CTBS: variants seen among roughly 807,000 people sequenced by gnomAD.
The protein encoded by CTBS is di-N-acetylchitobiase.
In CTBS, 35 loss-of-function variants were observed where a neutral mutation model predicts 44.3. The observed-to-expected ratio is 0.79, with a 90% confidence interval of 0.60 to 1.05. The LOEUF (loss-of-function observed/expected upper bound fraction) is 1.05, where lower values mean the gene tolerates loss of function less well. Ranked by LOEUF, CTBS falls within the 50% of genes least tolerant of loss-of-function variation. The pLI is 0.00. For missense variants in CTBS, 458 were observed against 475.3 expected (o/e 0.96, Z 0.34); for synonymous variants, 143 against 168.0 (o/e 0.85, Z 1.15).
Position 84,565,999 on chromosome 1 carries a change from A to G in CTBS, c.539T>C (p.Val180Ala). 1 of 1,545,118 alleles carries G rather than the reference A, an allele frequency of 6.5e-7. No individual in the cohort carries two copies. Among genetic ancestry groups the G allele is most frequent in the South Asian group, 1.3e-5 (1 of 77,278 alleles). ...EIEGSQVTFD[V>A]AWSPKNIDRR... is the part of the protein sequence containing the mutation. ...GTCTATGTTCTTTGGAGACCAAGCTACATCAAAGGTTACCTGTGGAAAAAA... is the reference window on the plus strand; with the variant it reads ...GTCTATGTTCTTTGGAGACCAAGCTGCATCAAAGGTTACCTGTGGAAAAAA... Residue 180 changes from valine to alanine, a missense_variant, in exon 4 of 7, where the codon GTA (valine) becomes GCA (alanine). Coordinates refer to ENST00000370630, the MANE Select transcript of CTBS (RefSeq NM_004388.3).
At position 84,553,206 on chromosome 1, in the gene CTBS, C is replaced by A; in HGVS notation, c.*1793G>T. 1.3e-6 allele frequency: 1 copy of A among 771,296 alleles called. No individual in the cohort carries two copies. The highest frequency in any genetic ancestry group is 2.0e-6 in the Non-Finnish European group (1 of 500,252). The allele number at this position is 771,296 out of a possible 1,614,324, so 47.8% of individuals were successfully genotyped here. On this transcript the variant is annotated 3_prime_UTR_variant, in exon 7 of 7. Transcript: ENST00000370630. The stretch of plus-strand genomic sequence containing the variant: ...TTTGTTTAACCATTATTCTCCTTGG[C>A]AATGTTTTATAAAAAGCACAAGGTT...
chr1:84,570,032 T>C lies in CTBS; in HGVS notation c.424A>G (p.Ile142Val). ...TQYMDGINID[I>V]EQEVNCLSPE... The stretch of plus-strand genomic sequence containing the variant: ...GATAAACAATTAACTTCTTGCTCTA[T>C]ATCTATATTAATTCCATCCATATAT... Residue 142 changes from isoleucine (I) to valine (V), a missense_variant, in exon 3 of 7, where the codon ATA (isoleucine) becomes GTA (valine). Transcript: ENST00000370630. The C allele has an allele frequency of 6.2e-7, 1 of 1,613,614 alleles. No homozygotes were observed. Among genetic ancestry groups the C allele is most frequent in the South Asian group, 1.1e-5 (1 of 91,064 alleles).
intron 3 of CTBS, among the ~76,000 whole-genome samples, chr1:84,568,644 C>T (rs993685461): frequency 1.4e-4 from 22 of 152,114 alleles, no homozygotes; most frequent in Admixed American, 3.3e-4. Context: ...TCTGTGTCCC[C>T]GCCCAAATCT....
rs116659071 is a variant in CTBS, at chr1:84,559,822, T to G, written c.957+3435A>C. ...TGTGTTGGCCAGGTGCAGTGGCCCATGCGTGTAATCCCAGGCCTTTGGGAG... is the reference window on the plus strand; with the variant it reads ...TGTGTTGGCCAGGTGCAGTGGCCCAGGCGTGTAATCCCAGGCCTTTGGGAG... On this transcript the variant is annotated intron_variant, in intron 6 of 6. Transcript: ENST00000370630. 4.3e-3 allele frequency among the ~76,000 whole-genome samples: 653 copies of G among 152,118 alleles called. 1 individual carries two copies. Among genetic ancestry groups the G allele is most frequent in the Admixed American group, 7.2e-3 (110 of 15,276 alleles).
chr1:84,560,678 G>A (rs945168350), intron 6 of CTBS, among the ~76,000 whole-genome samples: 1 of 152,180 alleles, frequency 6.6e-6, no homozygotes, highest in Non-Finnish European at 1.5e-5. Context: ...CAAAGTACAG[G>A]CTGATTCTCT....
rs1426594157 is a variant in CTBS at position 84,569,976 on chromosome 1, G to A, written c.480C>T (p.Val160=). ...GATGGAAAGAGTCTGTAGTTTCTTT[G>A]ACTAAAGCAGTTAATGCATCATATT... ...SPEYDALTAL[V]KETTDSFHRE... Residue 160 remains valine (V), a synonymous_variant, in exon 3 of 7, where the codon GTC becomes GTT. Coordinates refer to ENST00000370630, the MANE Select transcript of CTBS (RefSeq NM_004388.3). The A allele has an allele frequency of 6.2e-7, 1 of 1,612,722 alleles. No homozygotes were observed. Among genetic ancestry groups the A allele is most frequent in the Admixed American group, 1.7e-5 (1 of 59,834 alleles).
chr1:84,565,008 C>T (rs1684664987), intron 4 of CTBS, among the ~76,000 whole-genome samples: 1 of 151,906 alleles, frequency 6.6e-6, no homozygotes, highest in Non-Finnish European at 1.5e-5. Flanking sequence ...CACTGCACTC[C>T]AGCCTGGGCA....
chr1:84,550,683 A>T lies in CTBS; in HGVS notation c.*4316T>A. ...AACAGTAAAGAGCATAGGTGAAAAA[A>T]AAAATGCAGGAAGAAAAACTAAACC... On this transcript the variant is annotated 3_prime_UTR_variant, in exon 7 of 7. Coordinates refer to ENST00000370630, the MANE Select transcript of CTBS (RefSeq NM_004388.3). The T allele has an allele frequency of 8.3e-7, 1 of 1,205,270 alleles. No homozygotes were observed. Among genetic ancestry groups the T allele is most frequent in the Non-Finnish European group, 1.0e-6 (1 of 961,948 alleles). 74.7% of individuals were successfully genotyped at this position (1,205,270 alleles called of 1,614,324 possible).
intron 4 of CTBS, 148 bp from the exon 5 acceptor site, chr1:84,563,980 C>A: frequency 1.2e-6 from 1 of 846,676 alleles, no homozygotes; most frequent in Non-Finnish European, 1.6e-6. Context: ...TAAAACATCC[C>A]TTAAGAACCA....
In CTBS at chr1:84,570,580, AC is replaced by A; in HGVS notation, c.316+1del. 1 of 1,605,266 alleles carries A rather than the reference AC, an allele frequency of 6.2e-7. No individual in the cohort carries two copies. On this transcript the variant is annotated splice_donor_variant, in intron 2 of 6. Coordinates refer to ENST00000370630, the MANE Select transcript of CTBS (RefSeq NM_004388.3). LOFTEE classifies it high-confidence loss of function. ...GCACACATAGATCTGGAAACAACAT[AC>A]CTTTAAGTACTACTCTGGCTCCTTT...
Position 84,552,220 on chromosome 1 carries a change from C to G in CTBS, c.*2779G>C, listed in dbSNP as rs972592685. ...AAAACCCAGCCTGAGTCTCTTGCAA[C>G]CATATTTATTCAAGATAGTATAGCA... On this transcript the variant is annotated 3_prime_UTR_variant, in exon 7 of 7. Transcript: ENST00000370630. 3 of 152,106 alleles carry G rather than the reference C, an allele frequency of 2.0e-5. No individual in the cohort carries two copies. The highest frequency in any genetic ancestry group is 7.2e-5 in the African/African-American group (3 of 41,420). 9.4% of individuals were successfully genotyped at this position (152,106 alleles called of 1,614,324 possible). A position where few individuals can be genotyped will look rare whatever the true frequency, so the allele number is the denominator to read the frequency against.
chr1:84,560,097 AAAAGAAAGAAAG>A (rs59549626), intron 6 of CTBS, among the ~76,000 whole-genome samples: 1,858 of 114,642 alleles, frequency 0.016, 62 homozygotes, highest in East Asian at 0.13. Flanking sequence ...AAAAAAAAAA[AAAAGAAAGAAAG>A]AAAGAAAGAA....
chr1:84,559,614 T>G (rs1684549555), intron 6 of CTBS, among the ~76,000 whole-genome samples: 1 of 151,902 alleles, frequency 6.6e-6, no homozygotes, highest in Non-Finnish European at 1.5e-5. Flanking sequence ...GGAGCGATAC[T>G]CCATCTCAGA....
Position 84,550,581 on chromosome 1 carries a change from A to C in CTBS, c.*4418T>G. On this transcript the variant is annotated 3_prime_UTR_variant, in exon 7 of 7. Coordinates refer to ENST00000370630, the MANE Select transcript of CTBS (RefSeq NM_004388.3). ...TTATTATAACATTTATCTTGAAATA[A>C]AATATTTTGGTGTTTTAACTTTGGG... 1.4e-6 allele frequency: 2 copies of C among 1,446,218 alleles called. No individual in the cohort carries two copies. Among genetic ancestry groups the C allele is most frequent in the Non-Finnish European group, 1.8e-6 (2 of 1,094,178 alleles). The allele number at this position is 1,446,218 out of a possible 1,614,324, so 89.6% of individuals were successfully genotyped here. A position where few individuals can be genotyped will look rare whatever the true frequency, so the allele number is the denominator to read the frequency against.
intron 6 of CTBS, among the ~76,000 whole-genome samples, chr1:84,559,911 C>T (rs552284281): frequency 6.6e-6 from 1 of 151,570 alleles, no homozygotes; most frequent in East Asian, 1.9e-4. Context: ...ATAGTGAAAC[C>T]CCATCTCTAC....
intron 1 of CTBS, among the ~76,000 whole-genome samples, chr1:84,571,159 C>T (rs1443113710): frequency 6.6e-6 from 1 of 152,082 alleles, no homozygotes; most frequent in Admixed American, 6.6e-5. Flanking sequence ...GGAAGGTATG[C>T]ATTTTAGAAA....
intron 1 of CTBS, 162 bp downstream of exon 1, chr1:84,574,077 T>C: frequency 6.9e-7 from 1 of 1,450,720 alleles, no homozygotes; most frequent in East Asian, 2.6e-5. Flanking sequence ...GAGCCCGAGC[T>C]TCCTCATCTA....
chr1:84,563,826 T>C lies in CTBS; in HGVS notation c.704A>G (p.Asn235Ser). The C allele has an allele frequency of 6.2e-7, 1 of 1,603,570 alleles. No individual in the cohort carries two copies. The highest frequency in any genetic ancestry group is 1.1e-5 in the South Asian group (1 of 89,318). The change falls in exon 5 of 7, where the codon AAT becomes AGT. Residue 235 changes from asparagine (N) to serine (S), a missense_variant. Physicochemically the swap from Asn to Ser is conservative, Grantham distance 46 (BLOSUM62 1). Transcript: ENST00000370630. Reference sequence around the variant, plus strand: ...ATTAATGCTCATCTTGATGTAGTCATTATATCCTAGTCAAGCAGGAGAGAA... The same window carrying C: ...ATTAATGCTCATCTTGATGTAGTCACTATATCCTAGTCAAGCAGGAGAGAA... ...APYNQTLTGYNDYIKMSINPK... is the reference protein window; with the variant it reads ...APYNQTLTGYSDYIKMSINPK...
intron 6 of CTBS, among the ~76,000 whole-genome samples, chr1:84,558,382 C>T (rs983219099): frequency 1.3e-5 from 2 of 150,858 alleles, no homozygotes; most frequent in African/African-American, 2.4e-5. Flanking sequence ...CTCCGCCTCC[C>T]GGGTTCACGC....
Sources: gnomAD v4.1 joint callset for allele counts (sites outside exome capture counted in the v4.1 genomes callset) on GRCh38, gnomAD v4.1.1 for gene constraint, MANE v1.5 for transcripts, NCBI Gene and HGNC (gene_info 2026-07-23, HGNC 2026-07-21) for gene names.